Variants in TXLNB observed in about 807,000 individuals in gnomAD.
The protein encoded by TXLNB is beta-taxilin.
A neutral mutation model predicts 57.4 loss-of-function variants in TXLNB; 37 were observed. The ratio of observed to expected loss-of-function variants is 0.64; its 90% CI spans 0.50 to 0.85. The LOEUF (loss-of-function observed/expected upper bound fraction) is 0.85. Ranked by LOEUF, TXLNB falls within the 40% of genes least tolerant of loss-of-function variation. The probability of loss-of-function intolerance (pLI) is 0.00; values close to 1 mark genes in which losing one functional copy is unlikely to be tolerated. For missense variants in TXLNB, 848 were observed against 825.6 expected (o/e 1.03, Z -0.33); for synonymous variants, 302 against 309.6 (o/e 0.98, Z 0.26).
At chr6:139,268,022 G>A (rs1038890022) in intron 4 of TXLNB, among the ~76,000 whole-genome samples, 3 of 151,920 alleles carry the variant, frequency 2.0e-5, no homozygotes, top group Non-Finnish European at 4.4e-5. Flanking sequence ...ATGGTGGCGG[G>A]TGCCTGTAAT....
Position 139,284,452 on chromosome 6 carries a change from A to G in TXLNB, c.424+4024T>C, listed in dbSNP as rs532079674. ...CTGAGGCAGGAGAATCGCTTGAACT[A>G]GGGAGCTGGAGGTTGTAGTGAGCCG... On this transcript the variant is annotated intron_variant, in intron 2 of 9. Transcript: ENST00000358430. Among the ~76,000 whole-genome samples the G allele has an allele frequency of 2.6e-4, 38 of 145,154 alleles. 3 individuals carry two copies. The Middle Eastern group carries it at 0.011, about 41-fold the overall frequency.
chr6:139,277,361 G>C (rs959058256), intron 2 of TXLNB, among the ~76,000 whole-genome samples: 1 of 152,210 alleles, frequency 6.6e-6, no homozygotes, highest in African/African-American at 2.4e-5. Context: ...GCAACACGGA[G>C]TTGCTGGGAT....
At chr6:139,210,049 A>G in the TXLNB span, among the ~76,000 whole-genome samples, 6 of 152,160 alleles carry the variant, frequency 3.9e-5, no homozygotes, top group Admixed American at 1.3e-4. Context: ...GTGGGCAAAG[A>G]ATATGAATAG....
At chr6:139,318,285 A>G in the TXLNB span, among the ~76,000 whole-genome samples, 1,617 of 151,120 alleles carry the variant, frequency 0.011, 31 homozygotes, top group African/African-American at 0.037. Flanking sequence ...AAAAAAAAAA[A>G]AAAGAAAAGA....
chr6:139,292,170 T>A, upstream of TXLNB: 1 of 152,480 alleles, frequency 6.6e-6, no homozygotes, highest in African/African-American at 2.4e-5. The surrounding 1 kb of genome is among the most constrained non-coding windows in gnomAD (Gnocchi z 4.0). Context: ...AGGAACATCA[T>A]ATGACACAGC....
In TXLNB at chr6:139,243,176, G is replaced by T. The variant is rs746404875; in HGVS notation, c.1405C>A (p.Gln469Lys). 1 of 1,614,046 alleles carries T rather than the reference G, an allele frequency of 6.2e-7. No homozygotes were observed. The highest frequency in any genetic ancestry group is 8.5e-7 in the Non-Finnish European group (1 of 1,179,988). The change falls in exon 10 of 10, where the codon CAA (glutamine) becomes AAA (lysine). Residue 469 changes from glutamine to lysine, a missense_variant. By Grantham distance (53) the Gln-to-Lys change is moderately conservative. Coordinates refer to ENST00000358430, the MANE Select transcript of TXLNB (RefSeq NM_153235.4). ...TCTTCATCGGAGTTGTGCTGACTTT[G>T]GTCATCCTTTTCAGATATTTCTGCG... ...RDAEISEKDD[Q>K]SQHNSDEEPE...
rs774864927 is a variant in TXLNB, at chr6:139,283,564, G to A, written c.424+4912C>T. 2.2e-4 allele frequency among the ~76,000 whole-genome samples: 26 copies of A among 118,668 alleles called. 5 individuals are homozygous for A. Among genetic ancestry groups the A allele is most frequent in the African/African-American group, 1.4e-4 (4 of 28,990 alleles). The allele number at this position is 118,668 out of a possible 152,430, so 77.9% of individuals were successfully genotyped here. On this transcript the variant is annotated intron_variant, in intron 2 of 9. Coordinates refer to ENST00000358430, the MANE Select transcript of TXLNB (RefSeq NM_153235.4). ...GCACTCCAGCCTGGGCAATGAGAGC[G>A]AAACTCCGTCTCAAAAAAAAAAAAA...
Position 139,252,122 on chromosome 6 carries a change from C to T in TXLNB, c.1077+3442G>A, listed in dbSNP as rs376612486. ...GCTTGTATAATTGAAAGCCAGACAT[C>T]GCTTCCCTAAGTGAGAAGCCTGCCC... On this transcript the variant is annotated intron_variant, in intron 7 of 9. Coordinates refer to ENST00000358430, the MANE Select transcript of TXLNB (RefSeq NM_153235.4). Among the ~76,000 whole-genome samples the T allele has an allele frequency of 3.9e-5, 6 of 152,310 alleles. No homozygotes were observed. In the South Asian group the frequency reaches 6.2e-4, roughly 16 times the overall value.
In TXLNB at chr6:139,270,549, G is replaced by T; in HGVS notation, c.594C>A (p.Asp198Glu). The T allele has an allele frequency of 6.2e-7, 1 of 1,614,114 alleles. No individual in the cohort carries two copies. Among genetic ancestry groups the T allele is most frequent in the Non-Finnish European group, 8.5e-7 (1 of 1,179,976 alleles). Residue 198 changes from aspartate (D) to glutamate (E), a missense_variant, in exon 4 of 10, where the codon GAC (aspartate) becomes GAA (glutamate). Transcript: ENST00000358430. Reference sequence around the variant, plus strand: ...CTCTGCTGTGTTCACCTTGTAACTGGTCCTTTTCTTTTTGAATTTGTACCT... The same window carrying T: ...CTCTGCTGTGTTCACCTTGTAACTGTTCCTTTTCTTTTTGAATTTGTACCT... ...KKQVQIQKEK[D>E]QLQGEHSRAI...
chr6:139,313,629 C>T, the TXLNB span, among the ~76,000 whole-genome samples: 6 of 152,070 alleles, frequency 3.9e-5, no homozygotes, highest in Non-Finnish European at 7.4e-5. Flanking sequence ...CAACTGAGGG[C>T]AGCTTGCTAT....
At chr6:139,216,231 C>A in the TXLNB span, among the ~76,000 whole-genome samples, 51 of 151,414 alleles carry the variant, frequency 3.4e-4, no homozygotes, top group Non-Finnish European at 5.3e-4. Flanking sequence ...ACCCAAATGT[C>A]CAACAATGAT....
chr6:139,274,827 G>C (rs985365164), intron 3 of TXLNB, among the ~76,000 whole-genome samples: 2 of 152,142 alleles, frequency 1.3e-5, no homozygotes, highest in Non-Finnish European at 2.9e-5. Context: ...GCCTTGGTAT[G>C]AGTTGGTAAA....
upstream of TXLNB, among the ~76,000 whole-genome samples, chr6:139,293,089 A>T (rs1461756382): frequency 6.6e-6 from 1 of 152,132 alleles, no homozygotes; most frequent in Non-Finnish European, 1.5e-5. Flanking sequence ...CAATGTAATC[A>T]TAAGGGTATT....
At chr6:139,249,207 G>T (rs1203137878) in intron 7 of TXLNB, among the ~76,000 whole-genome samples, 1 of 152,214 alleles carries the variant, frequency 6.6e-6, no homozygotes, top group African/African-American at 2.4e-5. Flanking sequence ...GAAGGAGAGT[G>T]TGTAAATACT....
the TXLNB span, among the ~76,000 whole-genome samples, chr6:139,182,654 A>G: frequency 6.6e-6 from 1 of 152,182 alleles, no homozygotes; most frequent in Non-Finnish European, 1.5e-5. Context: ...GGTAAACCTT[A>G]CCTGCTGAAT....
the TXLNB span, among the ~76,000 whole-genome samples, chr6:139,301,611 A>G: frequency 6.6e-6 from 1 of 152,206 alleles, no homozygotes; most frequent in Non-Finnish European, 1.5e-5. Flanking sequence ...CACCTGAGAT[A>G]CAATGGGTTT....
chr6:139,258,267 C>T (rs959140930), intron 6 of TXLNB, among the ~76,000 whole-genome samples: 9 of 152,140 alleles, frequency 5.9e-5, no homozygotes, highest in South Asian at 4.1e-4. Flanking sequence ...AAGGCTGGGT[C>T]GTCTCAAATC....
At chr6:139,167,080 C>A in the TXLNB span, 4 of 1,614,198 alleles carry the variant, frequency 2.5e-6, no homozygotes, top group Non-Finnish European at 2.5e-6. Context: ...TCACTCACAT[C>A]CCCAGGCATA....
chr6:139,215,359 A>C, the TXLNB span, among the ~76,000 whole-genome samples: 6 of 152,316 alleles, frequency 3.9e-5, no homozygotes, highest in South Asian at 2.1e-4. Flanking sequence ...AAACCTCACA[A>C]AAACAAGCAA....
Sources: allele counts gnomAD v4.1 joint callset (sites outside exome capture counted in the v4.1 genomes callset), GRCh38; gene constraint gnomAD v4.1.1; non-coding constraint Gnocchi (gnomAD v3.1); transcripts MANE v1.5; gene names NCBI Gene and HGNC (gene_info 2026-07-23, HGNC 2026-07-21).